Variants in TNC observed in about 807,000 individuals in gnomAD.
TNC encodes the protein tenascin C.
In TNC, 109 loss-of-function variants were observed where a neutral mutation model predicts 202.4. The observed-to-expected ratio is 0.54, with a 90% CI of 0.46 to 0.63. The LOEUF is 0.63. Ranked by LOEUF, TNC falls within the 30% of genes least tolerant of loss-of-function variation. The pLI is 0.00. For synonymous variants in TNC, 1,007 were observed against 1,089.7 expected, an observed-to-expected ratio of 0.92 and a Z score of 1.50; for missense variants, 2,756 against 2,833.3, an observed-to-expected ratio of 0.97 and a Z score of 0.62.
At chr9:115,048,558 ACTCAGGTTAG>A in intron 15 of TNC, 26 bp from the exon 16 acceptor site, 1 of 1,598,686 alleles carries the variant, frequency 6.3e-7, no homozygotes, top group Non-Finnish European at 8.5e-7. Context: ...AGTGAAAATA[ACTCAGGTTAG>A]CAGCACTGAC....
intron 15 of TNC, among the ~76,000 whole-genome samples, chr9:115,055,021 T>C (rs1460064061): frequency 6.6e-6 from 1 of 152,222 alleles, no homozygotes; most frequent in Admixed American, 6.5e-5. Flanking sequence ...GGCACCTTTA[T>C]TTTTTAAAAT....
chr9:115,115,725 A>G (rs1323857583), intron 1 of TNC, among the ~76,000 whole-genome samples: 1 of 152,224 alleles, frequency 6.6e-6, no homozygotes, highest in African/African-American at 2.4e-5. Flanking sequence ...GCAGAATGGC[A>G]ACCAGAATGC....
At chr9:115,042,646 C>T (rs1830852076) in intron 17 of TNC, among the ~76,000 whole-genome samples, 1 of 152,090 alleles carries the variant, frequency 6.6e-6, no homozygotes, top group South Asian at 2.1e-4. Flanking sequence ...GAATGTGACC[C>T]CCGTTCATTT....
At chr9:115,080,097 C>T (rs1834189015) in intron 6 of TNC, among the ~76,000 whole-genome samples, 1 of 152,098 alleles carries the variant, frequency 6.6e-6, no homozygotes, top group Non-Finnish European at 1.5e-5. Flanking sequence ...CCTGTCTCTA[C>T]TAAAAATACA....
chr9:115,113,040 A>T (rs1403199835), intron 1 of TNC, among the ~76,000 whole-genome samples: 1 of 152,134 alleles, frequency 6.6e-6, no homozygotes, highest in African/African-American at 2.4e-5. Flanking sequence ...GAGAAAACGT[A>T]TTACATTATG....
rs1390739285 is a variant in TNC at position 115,059,781 on chromosome 9, C to T, written c.4255G>A (p.Gly1419Arg). 5.0e-6 allele frequency: 8 copies of T among 1,614,000 alleles called. No individual in the cohort carries two copies. The highest frequency in any genetic ancestry group is 6.8e-6 in the Non-Finnish European group (8 of 1,180,004). The change falls in exon 14 of 28, where the codon GGG becomes AGG. Residue 1419 changes from glycine (G) to arginine (R), a missense_variant. Around this residue, in one of 2 missense-constraint regions of TNC, gnomAD observed 2,559 missense variants for 2,546.0 expected, o/e 1.01. Transcript: ENST00000350763. ...AATPYRVSIY[G>R]VIRGYRTPVL... ...GGTGTTCTATAGCCCCGGATCACCCCATAGATGGAGACTCTATAAGGCGTG... is the reference window on the plus strand; with the variant it reads ...GGTGTTCTATAGCCCCGGATCACCCTATAGATGGAGACTCTATAAGGCGTG...
chr9:115,035,333 G>C lies in TNC; in HGVS notation c.5658C>G (p.Asp1886Glu). 6.2e-7 allele frequency: 1 copy of C among 1,610,500 alleles called. No homozygotes were observed. Among genetic ancestry groups the C allele is most frequent in the Non-Finnish European group, 8.5e-7 (1 of 1,178,564 alleles). ...CAGTCAAGTCTCTTGGAGAATCGAG[G>C]TCTGGAGAAGACAGGATGATTAATA... ...SSTITAKFTT[D>E]LDSPRDLTAT... The change falls in exon 22 of 28, where the codon GAC becomes GAG. Residue 1886 changes from aspartate (D) to glutamate (E), a missense_variant and splice_region_variant. Asp to Glu is a conservative substitution (Grantham distance 45). Around this residue, in one of 2 missense-constraint regions of TNC, gnomAD observed 2,559 missense variants for 2,546.0 expected, o/e 1.01. Coordinates refer to ENST00000350763, the MANE Select transcript of TNC (RefSeq NM_002160.4).
At chr9:115,035,158 C>T (rs1310278650) in intron 22 of TNC, 46 bp downstream of exon 22, 3 of 1,538,436 alleles carry the variant, frequency 2.0e-6, no homozygotes, top group Non-Finnish European at 1.8e-6. Flanking sequence ...GAAGATCATG[C>T]AAATGCTTCA....
In TNC at chr9:115,090,485, C is replaced by T; in HGVS notation, c.457+77G>A. The T allele has an allele frequency of 2.5e-6, 3 of 1,224,260 alleles. No individual in the cohort carries two copies. The South Asian group carries it at 4.7e-5, about 19-fold the overall frequency. 75.8% of individuals were successfully genotyped at this position (1,224,260 alleles called of 1,614,324 possible). A position where few individuals can be genotyped will look rare whatever the true frequency, so the allele number is the denominator to read the frequency against. On this transcript the variant is annotated intron_variant, in intron 2 of 27. Coordinates refer to ENST00000350763, the MANE Select transcript of TNC (RefSeq NM_002160.4). The stretch of plus-strand genomic sequence containing the variant: ...TTTTCTAGTGAGCCCACTTTGGAAG[C>T]AAGTGATGGATGCTGCTATGCTCTT...
At chr9:115,102,236 G>T (rs144075886) in intron 1 of TNC, among the ~76,000 whole-genome samples, 43 of 152,236 alleles carry the variant, frequency 2.8e-4, no homozygotes, top group South Asian at 4.2e-4. Flanking sequence ...TGTGCTGGAG[G>T]GCCAAGCAAA....
chr9:115,052,611 C>A, intron 15 of TNC: 1 of 594,148 alleles, frequency 1.7e-6, no homozygotes, highest in East Asian at 2.8e-5. Flanking sequence ...TATACAATTA[C>A]TATTTGTCAA....
intron 23 of TNC, 149 bp from the exon 24 acceptor site, chr9:115,030,554 C>A (rs1287639477): frequency 7.5e-6 from 7 of 936,314 alleles, no homozygotes; most frequent in African/African-American, 3.3e-5. Context: ...TAGAAATGGG[C>A]AATCTTGGAA....
chr9:115,052,864 G>A (rs2132311653), intron 15 of TNC: 1 of 702,736 alleles, frequency 1.4e-6, no homozygotes, highest in East Asian at 2.7e-5. Context: ...CATCTCCTGA[G>A]ACTGTGAATT....
rs976497400 is a variant in TNC, at chr9:115,102,248, G to A, written c.-136-11094C>T. ...TTTTGTGCTGGAGGGCCAAGCAAAGGAGCTATGAGTCAAGACCAGCCCCAA... is the reference window on the plus strand; with the variant it reads ...TTTTGTGCTGGAGGGCCAAGCAAAGAAGCTATGAGTCAAGACCAGCCCCAA... On this transcript the variant is annotated intron_variant, in intron 1 of 27. Coordinates refer to ENST00000350763, the MANE Select transcript of TNC (RefSeq NM_002160.4). Among the ~76,000 whole-genome samples, 4 of 152,254 alleles carry A rather than the reference G, an allele frequency of 2.6e-5. No individual in the cohort carries two copies. The South Asian group carries it at 8.3e-4, about 32-fold the overall frequency.
chr9:115,093,855 G>C (rs1311878330), intron 1 of TNC, among the ~76,000 whole-genome samples: 1 of 152,146 alleles, frequency 6.6e-6, no homozygotes, highest in Admixed American at 6.5e-5. Flanking sequence ...ACCAAATGTT[G>C]CATCGTTGGG....
intron 15 of TNC, among the ~76,000 whole-genome samples, chr9:115,054,682 A>G (rs1831968428): frequency 6.6e-6 from 1 of 152,248 alleles, no homozygotes; most frequent in Admixed American, 6.5e-5. Flanking sequence ...TCAATGTTCC[A>G]TGCAAAATGA....
At chr9:115,028,694 G>A (rs1829698665) in intron 25 of TNC, among the ~76,000 whole-genome samples, 1 of 151,992 alleles carries the variant, frequency 6.6e-6, no homozygotes. Context: ...CTAAGCAGAT[G>A]CTACAGATAA....
intron 6 of TNC, among the ~76,000 whole-genome samples, chr9:115,081,007 C>T (rs1834264557): frequency 6.6e-6 from 1 of 151,992 alleles, no homozygotes; most frequent in South Asian, 2.1e-4. Flanking sequence ...CTTCTGACAT[C>T]ATTAGTATTG....
At chr9:115,111,495 G>A (rs10982539) in intron 1 of TNC, among the ~76,000 whole-genome samples, 3,965 of 132,014 alleles carry the variant, frequency 0.03, 139 homozygotes, top group East Asian at 0.13. Context: ...TGCAACCTAC[G>A]ACTCCCAAGT....
Sources: allele counts gnomAD v4.1 joint callset (sites outside exome capture counted in the v4.1 genomes callset), GRCh38; gene constraint gnomAD v4.1.1; regional missense constraint gnomAD v4.1.1; transcripts MANE v1.5; gene names NCBI Gene and HGNC (gene_info 2026-07-23, HGNC 2026-07-21).